The following TPTE2 variants were observed in gnomAD, a reference collection of about 807,000 sequenced individuals.
The protein encoded by TPTE2 is phosphatidylinositol 3,4,5-trisphosphate 3-phosphatase TPTE2.
TPTE2 carries 53 observed loss-of-function variants against 78.6 expected under a neutral mutation model. The ratio of observed to expected loss-of-function variants is 0.67; its 90% CI spans 0.54 to 0.85. The LOEUF is 0.85. Ranked by LOEUF, TPTE2 falls within the 40% of genes least tolerant of loss-of-function variation. The pLI is 0.00. For missense variants in TPTE2, 461 were observed against 623.0 expected, an observed-to-expected ratio of 0.74 and a Z score of 2.77; for synonymous variants, 175 against 206.2, an observed-to-expected ratio of 0.85 and a Z score of 1.30.
chr13:19,561,533 G>A, the TPTE2 span, among the ~76,000 whole-genome samples: 5 of 152,210 alleles, frequency 3.3e-5, no homozygotes, highest in African/African-American at 1.2e-4. Context: ...GAGAGCCAAG[G>A]AAGAGGAAGT....
At chr13:19,550,525 C>A in the TPTE2 span, among the ~76,000 whole-genome samples, 2 of 152,100 alleles carry the variant, frequency 1.3e-5, no homozygotes, top group African/African-American at 4.8e-5. Flanking sequence ...AAACAAACTC[C>A]CTCACAATGT....
intron 13 of TPTE2, among the ~76,000 whole-genome samples, chr13:19,448,455 A>G (rs1034408755): frequency 4.6e-5 from 7 of 152,208 alleles, no homozygotes; most frequent in African/African-American, 1.7e-4. Context: ...TTTTTAAAAA[A>G]AGAACTCAGA....
intron 13 of TPTE2, among the ~76,000 whole-genome samples, chr13:19,444,617 G>GA (rs1353269989): frequency 6.6e-6 from 1 of 152,074 alleles, no homozygotes; most frequent in East Asian, 1.9e-4. Context: ...ATATTGTAAA[G>GA]ATTCAATTCT....
At chr13:19,505,347 G>A (rs184360885), upstream of TPTE2, among the ~76,000 whole-genome samples, 3 of 152,132 alleles carry the variant, frequency 2.0e-5, no homozygotes, top group East Asian at 5.8e-4. Flanking sequence ...TGACATGTTG[G>A]TCAGGCTGGT....
the TPTE2 span, chr13:19,560,463 G>A: frequency 4.4e-6 from 7 of 1,604,052 alleles, no homozygotes; most frequent in Non-Finnish European, 6.0e-6. Context: ...GTGAGCGCTG[G>A]GCCACACCCG....
intron 14 of TPTE2, among the ~76,000 whole-genome samples, chr13:19,436,629 G>A (rs1365550779): frequency 6.6e-6 from 1 of 152,090 alleles, no homozygotes; most frequent in Admixed American, 6.5e-5. Context: ...TGGCCAGGCT[G>A]CTCTCAAACT....
chr13:19,502,029 C>T (rs1359069761), intron 1 of TPTE2, among the ~76,000 whole-genome samples: 1 of 126,030 alleles, frequency 7.9e-6, no homozygotes, highest in African/African-American at 3.1e-5. Flanking sequence ...TTTATGCAGC[C>T]AAAAAACACA....
At chr13:19,459,772 T>C (rs1457899894) in intron 10 of TPTE2, among the ~76,000 whole-genome samples, 2 of 152,200 alleles carry the variant, frequency 1.3e-5, no homozygotes, top group African/African-American at 2.4e-5. Context: ...GGTCATGATC[T>C]GGCAAGCCAG....
intron 15 of TPTE2, among the ~76,000 whole-genome samples, chr13:19,433,858 G>C (rs1876868410): frequency 6.6e-6 from 1 of 152,218 alleles, no homozygotes; most frequent in African/African-American, 2.4e-5. Flanking sequence ...CTGGACTAAA[G>C]TTAGGGAAAC....
chr13:19,536,988 C>T (rs1871250932), upstream of TPTE2, among the ~76,000 whole-genome samples: 1 of 150,228 alleles, frequency 6.7e-6, no homozygotes, highest in African/African-American at 2.4e-5. Flanking sequence ...TATGTAATTC[C>T]AAAAAGGGGT....
At chr13:19,496,102 G>A (rs562819462) in intron 1 of TPTE2, among the ~76,000 whole-genome samples, 7 of 152,236 alleles carry the variant, frequency 4.6e-5, no homozygotes, top group East Asian at 1.9e-4. Flanking sequence ...TACTGATCTC[G>A]TTATCCACCC....
At chr13:19,432,574 C>A in exon 16 of TPTE2, 5 of 1,594,292 alleles carry the variant, frequency 3.1e-6, no homozygotes, top group Non-Finnish European at 4.3e-6. Flanking sequence ...TCCAACATAT[C>A]TATTCTGAAA....
intron 10 of TPTE2, among the ~76,000 whole-genome samples, chr13:19,454,466 C>G (rs1409843921): frequency 6.6e-6 from 1 of 152,176 alleles, no homozygotes; most frequent in African/African-American, 2.4e-5. Flanking sequence ...GCCTGATTCC[C>G]AGCCTGCCCA....
the TPTE2 span, among the ~76,000 whole-genome samples, chr13:19,547,720 C>CATACAT: frequency 5.9e-5 from 7 of 118,854 alleles, no homozygotes; most frequent in South Asian, 3.0e-4. Flanking sequence ...AATAAATATA[C>CATACAT]ATATATATAT....
chr13:19,472,510 T>C (rs535791748), intron 6 of TPTE2, among the ~76,000 whole-genome samples: 134 of 152,338 alleles, frequency 8.8e-4, no homozygotes, highest in African/African-American at 3.1e-3. Context: ...CTTGATTCTT[T>C]TAAATTATTT....
chr13:19,517,163 T>C (rs1869845851), intron 1 of TPTE2, among the ~76,000 whole-genome samples: 1 of 152,210 alleles, frequency 6.6e-6, no homozygotes, highest in Non-Finnish European at 1.5e-5. Context: ...CAGAAGAGCC[T>C]GGGGTCTGTT....
At chr13:19,453,778 C>T (rs895938396) in intron 10 of TPTE2, among the ~76,000 whole-genome samples, 4 of 152,022 alleles carry the variant, frequency 2.6e-5, no homozygotes, top group African/African-American at 9.7e-5. Flanking sequence ...TTCAATTCTA[C>T]CAAGAACAGA....
intron 1 of TPTE2, among the ~76,000 whole-genome samples, chr13:19,533,359 T>C (rs1381027415): frequency 7.9e-5 from 12 of 152,220 alleles, no homozygotes; most frequent in Non-Finnish European, 1.3e-4. Flanking sequence ...AAGCAAGAGT[T>C]CACAAAATTG....
chr13:19,429,934 G>A (rs1458568238), intron 17 of TPTE2, among the ~76,000 whole-genome samples: 1 of 152,120 alleles, frequency 6.6e-6, no homozygotes, highest in Non-Finnish European at 1.5e-5. Flanking sequence ...TTCTCACAGG[G>A]TCATCCCACA....
Sources: gnomAD v4.1 joint callset for allele counts (sites outside exome capture counted in the v4.1 genomes callset) on GRCh38, gnomAD v4.1.1 for gene constraint, MANE v1.5 for transcripts, NCBI Gene and HGNC (gene_info 2026-07-23, HGNC 2026-07-21) for gene names.